SF3B1: variants seen among roughly 807,000 people sequenced by gnomAD.
SF3B1 encodes pre-mRNA processing 10.
SF3B1 carries 12 observed loss-of-function variants against 153.8 expected under a neutral mutation model. The ratio of observed to expected loss-of-function variants is 0.08; its 90% CI spans 0.05 to 0.13. The LOEUF is 0.13. Ranked by LOEUF, SF3B1 falls within the 10% of genes least tolerant of loss-of-function variation. SF3B1 has a pLI of 1.00. For missense variants in SF3B1, 513 were observed against 1,606.1 expected, an observed-to-expected ratio of 0.32 and a Z score of 11.63; for synonymous variants, 498 against 525.2, an observed-to-expected ratio of 0.95 and a Z score of 0.71.
chr2:197,423,723 A>T, intron 2 of SF3B1, 85 bp downstream of exon 2: 1 of 1,359,056 alleles, frequency 7.4e-7, no homozygotes, highest in Non-Finnish European at 1.0e-6. Flanking sequence ...TCTCCAGATT[A>T]AACCAGATGG....
rs571362665 is a variant in SF3B1 at position 197,397,729 on chromosome 2, G to A, written c.3266+256C>T. 4.6e-5 allele frequency among the ~76,000 whole-genome samples: 7 copies of A among 152,182 alleles called. No homozygotes were observed. In the East Asian group the frequency reaches 5.8e-4, roughly 13 times the overall value. Reference sequence around the variant, plus strand: ...GGAGAATCGCCTGCACCTGGGAGGCGGTGGTTGCAGTGAGCCGAGATTGAA... The same window carrying A: ...GGAGAATCGCCTGCACCTGGGAGGCAGTGGTTGCAGTGAGCCGAGATTGAA... On this transcript the variant is annotated intron_variant, in intron 22 of 24. Coordinates refer to ENST00000335508, the MANE Select transcript of SF3B1 (RefSeq NM_012433.4).
chr2:197,435,018 C>G lies in SF3B1; in HGVS notation c.-19G>C, dbSNP rs777676086. On this transcript the variant is annotated 5_prime_UTR_variant, in exon 1 of 25. Coordinates refer to ENST00000335508, the MANE Select transcript of SF3B1 (RefSeq NM_012433.4). ...TCGCCATTTTGTCCACTCGAACACA[C>G]AGACGGAACTGGCGCTCCCAAGAAC... 3.7e-6 allele frequency: 6 copies of G among 1,614,162 alleles called. No individual in the cohort carries two copies. In the African/African-American group the frequency reaches 6.7e-5, roughly 18 times the overall value.
chr2:197,393,221 G>T, intron 23 of SF3B1, 33 bp from the exon 24 acceptor site: 1 of 1,435,034 alleles, frequency 7.0e-7, no homozygotes, highest in Non-Finnish European at 9.8e-7. Context: ...CCTTTAAGAT[G>T]CGGTCTTATA....
At chr2:197,411,498 C>G (rs1381000752) in intron 6 of SF3B1, among the ~76,000 whole-genome samples, 1 of 151,716 alleles carries the variant, frequency 6.6e-6, no homozygotes, top group Non-Finnish European at 1.5e-5. Flanking sequence ...ATGGTGAAAC[C>G]CCGTCTCTAC....
chr2:197,403,212 T>G (rs1213410311), intron 12 of SF3B1, among the ~76,000 whole-genome samples, 177 bp from the exon 13 acceptor site: 1 of 152,110 alleles, frequency 6.6e-6, no homozygotes, highest in Non-Finnish European at 1.5e-5. Flanking sequence ...AGATGAAAAT[T>G]TAAGAGAGCT....
At chr2:197,418,423 A>G in intron 5 of SF3B1, 86 bp downstream of exon 5, 1 of 984,878 alleles carries the variant, frequency 1.0e-6, no homozygotes. Context: ...TGCAGCAAAT[A>G]GCAAAAAAGA....
intron 9 of SF3B1, among the ~76,000 whole-genome samples, 165 bp from the exon 10 acceptor site, chr2:197,405,637 A>G (rs1268520581): frequency 6.6e-6 from 1 of 152,218 alleles, no homozygotes; most frequent in African/African-American, 2.4e-5. Flanking sequence ...CTTAAAATAT[A>G]TACTTCTCAT....
In SF3B1 at chr2:197,389,835, A is replaced by C. The variant is rs2084791172; in HGVS notation, c.*2468T>G. Reference sequence around the variant, plus strand: ...TAGTGGTACTTGGTGCTCACAGGGCACTGTACAACAAATTTTAAAAATACA... The same window carrying C: ...TAGTGGTACTTGGTGCTCACAGGGCCCTGTACAACAAATTTTAAAAATACA... On this transcript the variant is annotated 3_prime_UTR_variant, in exon 25 of 25. Coordinates refer to ENST00000335508, the MANE Select transcript of SF3B1 (RefSeq NM_012433.4). 1 of 152,184 alleles carries C rather than the reference A, an allele frequency of 6.6e-6. No homozygotes were observed. Among genetic ancestry groups the C allele is most frequent in the African/African-American group, 2.4e-5 (1 of 41,430 alleles). 9.4% of individuals were successfully genotyped at this position (152,184 alleles called of 1,614,324 possible).
chr2:197,408,785 T>C, intron 7 of SF3B1: 1 of 544,518 alleles, frequency 1.8e-6, no homozygotes, highest in Non-Finnish European at 3.3e-6. Flanking sequence ...TAGCCAGGTG[T>C]GGTGGTGGGC....
chr2:197,403,051 G>A lies in SF3B1; in HGVS notation c.1720-16C>T, dbSNP rs77741206. On this transcript the variant is annotated splice_polypyrimidine_tract_variant and intron_variant, in intron 12 of 24. Coordinates refer to ENST00000335508, the MANE Select transcript of SF3B1 (RefSeq NM_012433.4). The stretch of plus-strand genomic sequence containing the variant: ...CCACGAGGATCTGAAAAAGAGAAAA[G>A]AGAAGAAGCTACACTTTCACATCAA... 2.9e-4 allele frequency: 263 copies of A among 900,640 alleles called. 1 individual carries two copies. In the African/African-American group the frequency reaches 4.3e-3, roughly 15 times the overall value. 55.8% of individuals were successfully genotyped at this position (900,640 alleles called of 1,614,324 possible).
At chr2:197,406,080 ATT>A (rs780463363) in intron 9 of SF3B1, among the ~76,000 whole-genome samples, 9 of 139,828 alleles carry the variant, frequency 6.4e-5, no homozygotes, top group Admixed American at 1.4e-4. Flanking sequence ...TCACAAAGAA[ATT>A]TTTTTTTTTT....
Position 197,405,064 on chromosome 2 carries a change from A to G in SF3B1, c.1539+12T>C, listed in dbSNP as rs1169424858. 2.6e-6 allele frequency: 4 copies of G among 1,522,376 alleles called. No homozygotes were observed. The Admixed American group carries it at 7.7e-5, about 29-fold the overall frequency. 94.3% of individuals were successfully genotyped at this position (1,522,376 alleles called of 1,614,324 possible). ...AGCAACAAACATGACAATTTAACAA[A>G]CTGGGACTTACCTTTCTCATTGGTG... On this transcript the variant is annotated intron_variant, in intron 11 of 24. Coordinates refer to ENST00000335508, the MANE Select transcript of SF3B1 (RefSeq NM_012433.4).
intron 12 of SF3B1, among the ~76,000 whole-genome samples, 193 bp from the exon 13 acceptor site, chr2:197,403,228 T>G (rs976899650): frequency 2.0e-5 from 3 of 152,190 alleles, no homozygotes; most frequent in East Asian, 3.9e-4. Flanking sequence ...GAGCTATTAG[T>G]GACACACTAA....
chr2:197,426,621 T>C (rs1421257849), intron 1 of SF3B1, among the ~76,000 whole-genome samples: 4 of 152,176 alleles, frequency 2.6e-5, no homozygotes, highest in African/African-American at 4.8e-5. Context: ...TAGTCTAGTA[T>C]AAGGACCACC....
intron 5 of SF3B1, among the ~76,000 whole-genome samples, chr2:197,417,375 C>A (rs532082669): frequency 1.3e-5 from 2 of 152,032 alleles, no homozygotes; most frequent in Non-Finnish European, 2.9e-5. Context: ...TCACTCTGTA[C>A]TGTTAAAATG....
At position 197,400,222 on chromosome 2, in the gene SF3B1, A is replaced by C. The variant is rs1355221056; in HGVS notation, c.2901+30T>G. On this transcript the variant is annotated intron_variant, in intron 19 of 24. Transcript: ENST00000335508. This position sits in a 1 kb window ranked among gnomAD's most constrained non-coding sequence, Gnocchi z 5.0. The stretch of plus-strand genomic sequence containing the variant: ...ACTATTTACATTAAACTATTTGGGG[A>C]AGAAGTAAGAATTTGATGCAAAAGT... 3.7e-6 allele frequency: 6 copies of C among 1,611,564 alleles called. No individual in the cohort carries two copies. In the Admixed American group the frequency reaches 1.0e-4, roughly 27 times the overall value.
Position 197,390,365 on chromosome 2 carries a change from A to T in SF3B1, c.*1938T>A, listed in dbSNP as rs1024782115. The T allele has an allele frequency of 6.6e-6, 1 of 152,244 alleles. No individual in the cohort carries two copies. The highest frequency in any genetic ancestry group is 1.9e-4 in the East Asian group (1 of 5,202). 9.4% of individuals were successfully genotyped at this position (152,244 alleles called of 1,614,324 possible). On this transcript the variant is annotated 3_prime_UTR_variant, in exon 25 of 25. Transcript: ENST00000335508. ...ATTTAACATCAAATTTTGGCTTTGT[A>T]ATCTATTTGTATTCAATTCTCAGTC...
intron 2 of SF3B1, among the ~76,000 whole-genome samples, chr2:197,422,999 A>C (rs2085273039): frequency 6.6e-6 from 1 of 152,228 alleles, no homozygotes; most frequent in African/African-American, 2.4e-5. Context: ...GGAATACATA[A>C]AAAATGCTTT....
At position 197,400,651 on chromosome 2, in the gene SF3B1, C is replaced by T. The variant is rs2105982139; in HGVS notation, c.2718+64G>A. ...TTGCATTCTAGAAAAATTTGCTTGA[C>T]AACTAATATGCTTTTCTACAAATAT... On this transcript the variant is annotated intron_variant, in intron 18 of 24. Transcript: ENST00000335508. This position sits in a 1 kb window ranked among gnomAD's most constrained non-coding sequence, Gnocchi z 5.0. The T allele has an allele frequency of 7.6e-7, 1 of 1,310,964 alleles. No individual in the cohort carries two copies. The highest frequency in any genetic ancestry group is 1.1e-6 in the Non-Finnish European group (1 of 941,072). The allele number at this position is 1,310,964 out of a possible 1,614,324, so 81.2% of individuals were successfully genotyped here. A position where few individuals can be genotyped will look rare whatever the true frequency, so the allele number is the denominator to read the frequency against.
Sources: allele counts gnomAD v4.1 joint callset (sites outside exome capture counted in the v4.1 genomes callset), GRCh38; gene constraint gnomAD v4.1.1; non-coding constraint Gnocchi (gnomAD v3.1); transcripts MANE v1.5; gene names NCBI Gene and HGNC (gene_info 2026-07-23, HGNC 2026-07-21).